The following XRCC4 variants were observed in gnomAD, a reference collection of about 807,000 sequenced individuals.
XRCC4 encodes DNA repair protein XRCC4.
Under a neutral mutation model 39.1 loss-of-function variants are expected in XRCC4, and 28 were observed. The ratio of observed to expected loss-of-function variants is 0.72; its 90% CI spans 0.53 to 0.98. The LOEUF is 0.98. XRCC4 is among the 50% of genes least tolerant of loss of function. The pLI is 0.00. For synonymous variants in XRCC4, 123 were observed against 126.4 expected, an observed-to-expected ratio of 0.97 and a Z score of 0.18; for missense variants, 350 against 376.4, an observed-to-expected ratio of 0.93 and a Z score of 0.58.
At chr5:83,266,564 T>A (rs1368711490) in intron 7 of XRCC4, among the ~76,000 whole-genome samples, 1 of 152,008 alleles carries the variant, frequency 6.6e-6, no homozygotes, top group African/African-American at 2.4e-5. Flanking sequence ...CCATTAGTAT[T>A]ATTCAAGGAC....
chr5:83,229,664 T>A (rs991332576), intron 6 of XRCC4, among the ~76,000 whole-genome samples: 1 of 149,038 alleles, frequency 6.7e-6, no homozygotes, highest in Non-Finnish European at 1.5e-5. Context: ...TTAAACTTTT[T>A]TTTTTTTTTT....
chr5:83,114,286 C>A (rs1262153506), intron 3 of XRCC4, among the ~76,000 whole-genome samples: 1 of 152,166 alleles, frequency 6.6e-6, no homozygotes, highest in Admixed American at 6.5e-5. Context: ...CTCCTTATTA[C>A]TTATGCAAAT....
At chr5:83,150,019 T>C (rs1748631876) in intron 3 of XRCC4, among the ~76,000 whole-genome samples, 1 of 152,110 alleles carries the variant, frequency 6.6e-6, no homozygotes, top group South Asian at 2.1e-4. Context: ...TAAAAAATAA[T>C]AGAATAATAA....
chr5:83,258,791 T>A, intron 7 of XRCC4, 114 bp downstream of exon 7: 1 of 1,232,610 alleles, frequency 8.1e-7, no homozygotes, highest in South Asian at 1.6e-5. Flanking sequence ...TTTAAGAAAA[T>A]GTCATTTTGG....
At chr5:83,323,839 T>A (rs1352304227) in intron 7 of XRCC4, among the ~76,000 whole-genome samples, 2 of 152,060 alleles carry the variant, frequency 1.3e-5, no homozygotes, top group African/African-American at 4.8e-5. Context: ...AAAGAAAAGA[T>A]GTTATAAGCC....
Position 83,353,180 on chromosome 5 carries a change from G to A in XRCC4, c.943G>A (p.Glu315Lys), listed in dbSNP as rs780229187. 21 of 1,612,360 alleles carry A rather than the reference G, an allele frequency of 1.3e-5. No homozygotes were observed. The East Asian group carries it at 4.3e-4, about 33-fold the overall frequency. Residue 315 changes from glutamate (E) to lysine (K), a missense_variant, in exon 8 of 8, where the codon GAA becomes AAA. Transcript: ENST00000396027. ...GTCTAAAAAGGAGCACATCTCAGCT[G>A]AAAACATGTCTTTAGAAACTCTGAG... ...ETSKKEHISAENMSLETLRNS... is the reference protein window; with the variant it reads ...ETSKKEHISAKNMSLETLRNS...
intron 3 of XRCC4, among the ~76,000 whole-genome samples, chr5:83,189,670 T>A (rs1355165595): frequency 1.3e-5 from 2 of 152,222 alleles, no homozygotes; most frequent in African/African-American, 4.8e-5. Context: ...CTTTTCTCAG[T>A]TCCAGTTACC....
At chr5:83,094,035 AT>A (rs1745554435) in intron 1 of XRCC4, among the ~76,000 whole-genome samples, 1 of 151,804 alleles carries the variant, frequency 6.6e-6, no homozygotes, top group Non-Finnish European at 1.5e-5. Context: ...TGTTTTCAGA[AT>A]TTTTTCTTTC....
chr5:83,117,683 ATATG>A (rs1746800532), intron 3 of XRCC4, among the ~76,000 whole-genome samples: 1 of 141,554 alleles, frequency 7.1e-6, no homozygotes, highest in Non-Finnish European at 1.5e-5. Context: ...GTATGTATGT[ATATG>A]TATGTATATA....
intron 6 of XRCC4, among the ~76,000 whole-genome samples, chr5:83,257,291 C>G (rs1753577888): frequency 1.3e-5 from 2 of 149,934 alleles, no homozygotes; most frequent in Admixed American, 6.7e-5. Flanking sequence ...ATTTACCCAT[C>G]TGACAAAGGG....
the XRCC4 span, among the ~76,000 whole-genome samples, chr5:83,361,970 T>C: frequency 6.6e-6 from 1 of 152,142 alleles, no homozygotes; most frequent in African/African-American, 2.4e-5. Context: ...CCTCTCTGCT[T>C]TCCCACAATT....
rs1011526035 is a variant in XRCC4, at chr5:83,334,671, G to A, written c.894-18460G>A. ...ACATACGTACATTATATGTATGTGT[G>A]TGCATATATATATATATATAAGATA... On this transcript the variant is annotated intron_variant, in intron 7 of 7. Coordinates refer to ENST00000396027, the MANE Select transcript of XRCC4 (RefSeq NM_003401.5). Among the ~76,000 whole-genome samples, 5 of 146,720 alleles carry A rather than the reference G, an allele frequency of 3.4e-5. No individual in the cohort carries two copies. In the South Asian group the frequency reaches 8.6e-4, roughly 25 times the overall value.
the XRCC4 span, among the ~76,000 whole-genome samples, chr5:83,372,331 T>A: frequency 2.7e-4 from 41 of 152,158 alleles, no homozygotes; most frequent in African/African-American, 9.9e-4. Context: ...CTTGTAGAAG[T>A]TTATACAGAA....
the XRCC4 span, among the ~76,000 whole-genome samples, chr5:83,370,471 C>A: frequency 1.3e-5 from 2 of 152,266 alleles, no homozygotes; most frequent in South Asian, 4.2e-4. Flanking sequence ...TTCCTCATTT[C>A]TTTACTTATC....
At chr5:83,199,953 G>A (rs1271137647) in intron 4 of XRCC4, among the ~76,000 whole-genome samples, 2 of 151,932 alleles carry the variant, frequency 1.3e-5, no homozygotes, top group African/African-American at 2.4e-5. Flanking sequence ...TTGATCCTTG[G>A]ACTAGTGTGG....
intron 6 of XRCC4, among the ~76,000 whole-genome samples, chr5:83,210,003 T>C (rs974820561): frequency 5.3e-5 from 8 of 152,172 alleles, no homozygotes; most frequent in African/African-American, 1.7e-4. Context: ...ACTTAGTTGG[T>C]AGGCTTCCTG....
intron 1 of XRCC4, among the ~76,000 whole-genome samples, chr5:83,086,530 T>C (rs1310856691): frequency 1.3e-5 from 2 of 152,224 alleles, no homozygotes; most frequent in African/African-American, 2.4e-5. Context: ...TCTTCATTCT[T>C]GTCTTCATGT....
At position 83,146,733 on chromosome 5, in the gene XRCC4, C is replaced by A. The variant is rs540580677; in HGVS notation, c.315+35530C>A. On this transcript the variant is annotated intron_variant, in intron 3 of 7. Coordinates refer to ENST00000396027, the MANE Select transcript of XRCC4 (RefSeq NM_003401.5). ...ACCTTACTAAAAAGTGACACACCCA[C>A]AAACAAATGTCAACTATCAGAAGTG... Among the ~76,000 whole-genome samples, 131 of 152,292 alleles carry A rather than the reference C, an allele frequency of 8.6e-4. No individual in the cohort carries two copies. The Middle Eastern group carries it at 0.01, about 12-fold the overall frequency.
chr5:83,144,547 TCCCCACCCCCCCCC>T (rs1228369222), intron 3 of XRCC4, among the ~76,000 whole-genome samples: 3 of 17,248 alleles, frequency 1.7e-4, no homozygotes, highest in Admixed American at 5.7e-4. Flanking sequence ...GTTTTGTGTC[TCCCCACCCCCCCCC>T]CCCCACCCCC....
Sources: gnomAD v4.1 joint callset for allele counts (sites outside exome capture counted in the v4.1 genomes callset) on GRCh38, gnomAD v4.1.1 for gene constraint, MANE v1.5 for transcripts, NCBI Gene and HGNC (gene_info 2026-07-23, HGNC 2026-07-21) for gene names.